The following ADAMTS9 variants were observed in gnomAD, a reference collection of about 807,000 sequenced individuals.
ADAMTS9 encodes the protein A disintegrin and metalloproteinase with thrombospondin motifs 9.
ADAMTS9 carries 107 observed loss-of-function variants against 257.1 expected under a neutral mutation model. The observed-to-expected ratio is 0.42, with a 90% CI of 0.36 to 0.49. The LOEUF is 0.49. Ranked by LOEUF, ADAMTS9 falls within the 20% of genes least tolerant of loss-of-function variation. The pLI is 0.03. For missense variants in ADAMTS9, 2,353 were observed against 2,469.1 expected (o/e 0.95, Z 1.00); for synonymous variants, 982 against 880.9 (o/e 1.11, Z -2.03).
In ADAMTS9 at chr3:64,596,518, G is replaced by A. The variant is rs932482635; in HGVS notation, c.4179+312C>T. Among the ~76,000 whole-genome samples, 4 of 152,230 alleles carry A rather than the reference G, an allele frequency of 2.6e-5. No individual in the cohort carries two copies. The South Asian group carries it at 6.2e-4, about 24-fold the overall frequency. ...GAAGAGGGCAAGACTTCCATGGACC[G>A]ATTTAACACATATTTTCAATCACTT... is the stretch of plus-strand genomic sequence containing the variant. On this transcript the variant is annotated intron_variant, in intron 27 of 39. Coordinates refer to ENST00000498707, the MANE Select transcript of ADAMTS9 (RefSeq NM_182920.2).
At position 64,687,411 on chromosome 3, in the gene ADAMTS9, G is replaced by A. The variant is rs1701946243; in HGVS notation, c.115+132C>T. 1.1e-5 allele frequency: 9 copies of A among 788,570 alleles called. No individual in the cohort carries two copies. The East Asian group carries it at 1.8e-4, about 16-fold the overall frequency. The allele number at this position is 788,570 out of a possible 1,614,324, so 48.8% of individuals were successfully genotyped here. A position where few individuals can be genotyped will look rare whatever the true frequency, so the allele number is the denominator to read the frequency against. On this transcript the variant is annotated intron_variant, in intron 1 of 39. Transcript: ENST00000498707. This position sits in a 1 kb window ranked among gnomAD's most constrained non-coding sequence, Gnocchi z 4.4. ...TTGGGGATGACCCAAAGAAGGGAGA[G>A]GCTGCAAAGCGGGAGATAATTCTTT... is the stretch of plus-strand genomic sequence containing the variant.
At chr3:64,593,929 T>G (rs1358458177) in intron 28 of ADAMTS9, among the ~76,000 whole-genome samples, 1 of 145,632 alleles carries the variant, frequency 6.9e-6, no homozygotes, top group Non-Finnish European at 1.5e-5. Context: ...TTGAGTTGTC[T>G]GTTAAAATCA....
intron 32 of ADAMTS9, among the ~76,000 whole-genome samples, chr3:64,543,874 G>A (rs559715384): frequency 2.6e-5 from 4 of 152,242 alleles, no homozygotes; most frequent in East Asian, 3.9e-4. Flanking sequence ...AAACCCCATC[G>A]TCTCAGCCCA....
chr3:64,638,599 AT>A (rs1700558733), intron 12 of ADAMTS9, among the ~76,000 whole-genome samples: 1 of 152,130 alleles, frequency 6.6e-6, no homozygotes, highest in Non-Finnish European at 1.5e-5. Context: ...CAAAATTGAG[AT>A]TAAAAAAATA....
intron 16 of ADAMTS9, among the ~76,000 whole-genome samples, chr3:64,623,865 G>A (rs977332724): frequency 6.6e-6 from 1 of 152,002 alleles, no homozygotes; most frequent in African/African-American, 2.4e-5. Context: ...GTATCTTCGG[G>A]GAAGAATGAA....
In ADAMTS9 at chr3:64,516,956, TATATGTATGTGTAG is replaced by T. The variant is rs1430947613; in HGVS notation, c.*157_*170del. 1.3e-5 allele frequency: 2 copies of T among 152,510 alleles called. No individual in the cohort carries two copies. The highest frequency in any genetic ancestry group is 1.3e-4 in the Admixed American group (2 of 15,278). The allele number at this position is 152,510 out of a possible 1,614,324, so 9.4% of individuals were successfully genotyped here. On this transcript the variant is annotated 3_prime_UTR_variant, in exon 40 of 40. Coordinates refer to ENST00000498707, the MANE Select transcript of ADAMTS9 (RefSeq NM_182920.2). ...ATCTACATACACACATATATGTGTA[TATATGTATGTGTAG>T]ATATGTATATATGTATATGTACACA...
intron 3 of ADAMTS9, among the ~76,000 whole-genome samples, chr3:64,659,607 G>C (rs1194239182): frequency 6.6e-6 from 1 of 152,030 alleles, no homozygotes; most frequent in South Asian, 2.1e-4. Context: ...GCACAACCAG[G>C]TATTTTATTA....
rs541873839 is a variant in ADAMTS9, at chr3:64,633,551, T to A, written c.2096A>T (p.Tyr699Phe). 5.6e-6 allele frequency: 9 copies of A among 1,614,104 alleles called. No homozygotes were observed. The African/African-American group carries it at 1.1e-4, about 19-fold the overall frequency. ...ATCTATCACTCTGTCTCGAAGCTGA[T>A]AGTAGGCTGTGTTCCCTGCCACTCT... ...FCRVAGNTAY[Y>F]QLRDRVIDGT... is the part of the protein sequence containing the mutation. The change falls in exon 14 of 40, where the codon TAT becomes TTT. Residue 699 changes from tyrosine to phenylalanine, a missense_variant. Tyr to Phe is a conservative substitution (Grantham distance 22, BLOSUM62 3). Transcript: ENST00000498707.
chr3:64,607,182 G>T, intron 22 of ADAMTS9, 103 bp from the exon 23 acceptor site: 1 of 1,485,524 alleles, frequency 6.7e-7, no homozygotes. Context: ...CATCACAGTA[G>T]GCCAGAGGGC....
rs751035007 is a variant in ADAMTS9, at chr3:64,631,444, T to A, written c.2389+11A>T. On this transcript the variant is annotated intron_variant, in intron 16 of 39. Coordinates refer to ENST00000498707, the MANE Select transcript of ADAMTS9 (RefSeq NM_182920.2). ...ACCAGAACTCGCAAGTAGTGAGGCA[T>A]CCCATCTCACCTAAGTAGTTGTCAT... 6.2e-7 allele frequency: 1 copy of A among 1,609,178 alleles called. No homozygotes were observed. Among genetic ancestry groups the A allele is most frequent in the Non-Finnish European group, 8.5e-7 (1 of 1,175,532 alleles).
intron 4 of ADAMTS9, among the ~76,000 whole-genome samples, chr3:64,657,010 C>T (rs943580478): frequency 6.6e-6 from 1 of 152,076 alleles, no homozygotes; most frequent in African/African-American, 2.4e-5. Context: ...GAAGTCTATA[C>T]GGGCTTTTCT....
At position 64,533,214 on chromosome 3, in the gene ADAMTS9, T is replaced by C. The variant is rs752197070; in HGVS notation, c.5670A>G (p.Arg1890=). Residue 1890 remains arginine, a synonymous_variant, in exon 38 of 40, where the codon AGA becomes AGG. Transcript: ENST00000498707. ...GTGLSLTESA[R]WISQGNYAVS... ...CAGCATAATTCCCTTGTGATATCCA[T>C]CTGGCAGATTCAGTTAAAGACAAGC... 2 of 1,614,144 alleles carry C rather than the reference T, an allele frequency of 1.2e-6. No homozygotes were observed. Among genetic ancestry groups the C allele is most frequent in the South Asian group, 1.1e-5 (1 of 91,080 alleles).
chr3:64,632,662 T>C (rs982409611), intron 14 of ADAMTS9, among the ~76,000 whole-genome samples: 23 of 152,284 alleles, frequency 1.5e-4, no homozygotes, highest in African/African-American at 5.5e-4. Context: ...GTCCGTTTTG[T>C]TCATTTGTGT....
chr3:64,650,350 C>G (rs1700901982), intron 9 of ADAMTS9: 1 of 152,620 alleles, frequency 6.6e-6, no homozygotes, highest in Admixed American at 6.5e-5. Flanking sequence ...GAAATATACA[C>G]CCAGTGACTC....
intron 26 of ADAMTS9, among the ~76,000 whole-genome samples, chr3:64,601,625 A>G (rs755710025): frequency 4.6e-5 from 7 of 152,096 alleles, no homozygotes; most frequent in Non-Finnish European, 1.0e-4. Context: ...TAATTCCCCT[A>G]CAGGTATGAG....
At chr3:64,613,595 G>T in intron 21 of ADAMTS9, 86 bp from the exon 22 acceptor site, 2 of 1,344,868 alleles carry the variant, frequency 1.5e-6, no homozygotes, top group Non-Finnish European at 2.0e-6. Context: ...GTAGGAACAG[G>T]TGTGTCCTTT....
chr3:64,615,598 C>T (rs944199927), intron 20 of ADAMTS9, 113 bp from the exon 21 acceptor site: 16 of 1,112,098 alleles, frequency 1.4e-5, no homozygotes, highest in Non-Finnish European at 1.4e-5. Flanking sequence ...ACAAGCTGGC[C>T]AACTCTAGTT....
intron 2 of ADAMTS9, among the ~76,000 whole-genome samples, chr3:64,682,888 G>A (rs1422288599): frequency 6.6e-6 from 1 of 152,144 alleles, no homozygotes; most frequent in African/African-American, 2.4e-5. Context: ...TGCCTGGGAA[G>A]GTTTTTTGTT....
chr3:64,681,416 G>A, intron 2 of ADAMTS9, 53 bp from the exon 3 acceptor site: 4 of 1,526,830 alleles, frequency 2.6e-6, no homozygotes, highest in African/African-American at 1.4e-5. Flanking sequence ...GTCATTGGGA[G>A]GAAAAAAACC....
Sources: gnomAD v4.1 joint callset for allele counts (sites outside exome capture counted in the v4.1 genomes callset) on GRCh38, gnomAD v4.1.1 for gene constraint, Gnocchi (gnomAD v3.1) non-coding constraint, MANE v1.5 for transcripts, NCBI Gene and HGNC (gene_info 2026-07-23, HGNC 2026-07-21) for gene names.